FGF14: variants seen among roughly 807,000 people sequenced by gnomAD.
The protein encoded by FGF14 is fibroblast growth factor homologous factor 4.
Under a neutral mutation model 25.5 loss-of-function variants are expected in FGF14, and 5 were observed. That is an observed-to-expected ratio of 0.20 (90% CI 0.10 to 0.41). The LOEUF (loss-of-function observed/expected upper bound fraction) is 0.41, where lower values mean the gene tolerates loss of function less well. Ranked by LOEUF, FGF14 falls within the 10% of genes least tolerant of loss-of-function variation. The pLI is 1.00. For synonymous variants in FGF14, 138 were observed against 118.3 expected (o/e 1.17, Z -1.08); for missense variants, 222 against 320.1 (o/e 0.69, Z 2.34).
chr13:102,233,363 TCAGGCGATCCACCCA>T (rs1003745612), intron 1 of FGF14, among the ~76,000 whole-genome samples: 10 of 152,098 alleles, frequency 6.6e-5, no homozygotes, highest in Admixed American at 6.5e-5. Flanking sequence ...ACTCCTGACC[TCAGGCGATCCACCCA>T]CCTTGACCTT....
intron 1 of FGF14, among the ~76,000 whole-genome samples, chr13:102,254,679 A>G (rs2052354562): frequency 6.6e-6 from 1 of 152,164 alleles, no homozygotes; most frequent in African/African-American, 2.4e-5. Context: ...GGGAGCTGTC[A>G]TGTCCATGGT....
At chr13:102,174,987 T>C (rs1408850029) in intron 1 of FGF14, among the ~76,000 whole-genome samples, 2 of 152,060 alleles carry the variant, frequency 1.3e-5, no homozygotes, top group Non-Finnish European at 2.9e-5. Flanking sequence ...TCCAAGCTCA[T>C]AGACAGGAAG....
At chr13:102,337,259 A>G (rs922734390) in intron 1 of FGF14, among the ~76,000 whole-genome samples, 4 of 152,182 alleles carry the variant, frequency 2.6e-5, no homozygotes, top group Admixed American at 2.6e-4. Flanking sequence ...ATTAACTGCA[A>G]TTTGGAAGAA....
intron 1 of FGF14, among the ~76,000 whole-genome samples, chr13:101,984,632 T>A (rs2139633095): frequency 6.6e-6 from 1 of 152,306 alleles, no homozygotes; most frequent in Non-Finnish European, 1.5e-5. Flanking sequence ...ATTTTGTAAG[T>A]CCATCACAAC....
rs199536239 is a variant in FGF14, at chr13:101,722,883, G to A, written c.692C>T (p.Ala231Val). The part of the protein sequence containing the change: ...PGVTPSKSTS[A>V]SAIMNGGKPV... ...TTTGCCTCCATTCATTATTGCAGAC[G>A]CACTTGTGCTTTTACTTGGCGTCAC... Residue 231 changes from alanine (A) to valine (V), a missense_variant, in exon 5 of 5, where the codon GCG becomes GTG. Physicochemically the swap from Ala to Val is moderately conservative, Grantham distance 64. Around this residue, in one of 5 missense-constraint regions of FGF14, gnomAD observed 66 missense variants for 90.3 expected, o/e 0.73. Transcript: ENST00000376143. 92 of 1,613,116 alleles carry A rather than the reference G, an allele frequency of 5.7e-5. No homozygotes were observed. In the East Asian group the frequency reaches 8.2e-4, roughly 14 times the overall value.
chr13:102,156,316 T>C (rs2047335633), intron 1 of FGF14, among the ~76,000 whole-genome samples: 1 of 152,124 alleles, frequency 6.6e-6, no homozygotes, highest in African/African-American at 2.4e-5. Flanking sequence ...TCCACCATGA[T>C]CAAGTGGGCT....
chr13:101,815,305 T>C (rs2984832), intron 3 of FGF14, among the ~76,000 whole-genome samples: 134,079 of 152,020 alleles, frequency 0.88, 59,370 homozygotes, highest in Non-Finnish European at 0.93. Context: ...AGGAAAGGCA[T>C]GAAAGAGGTA....
At chr13:102,279,272 A>G (rs1450202236) in intron 1 of FGF14, among the ~76,000 whole-genome samples, 2 of 152,188 alleles carry the variant, frequency 1.3e-5, no homozygotes, top group Admixed American at 6.5e-5. Context: ...ATATATTTAC[A>G]TGGAAACATG....
intron 1 of FGF14, among the ~76,000 whole-genome samples, chr13:101,971,038 T>C (rs1273519799): frequency 6.6e-6 from 1 of 152,218 alleles, no homozygotes; most frequent in Non-Finnish European, 1.5e-5. Flanking sequence ...ATCTCTCTAC[T>C]ATCAAGTTAT....
intron 1 of FGF14, among the ~76,000 whole-genome samples, chr13:102,231,317 T>C (rs1364912909): frequency 6.6e-6 from 1 of 152,230 alleles, no homozygotes; most frequent in East Asian, 1.9e-4. Flanking sequence ...TCCGTTTATG[T>C]CTTTAAAAAG....
In FGF14 at chr13:102,234,769, C is replaced by T. The variant is rs1213481185; in HGVS notation, c.208+166702G>A. On this transcript the variant is annotated intron_variant, in intron 1 of 4. Coordinates refer to the FGF14 transcript ENST00000376131. ...ATATTAGTCATAAATTACATCTGAGCTTATGAAACATACACGTTTGTCATC... is the reference window on the plus strand; with the variant it reads ...ATATTAGTCATAAATTACATCTGAGTTTATGAAACATACACGTTTGTCATC... Among the ~76,000 whole-genome samples the T allele has an allele frequency of 3.3e-5, 5 of 152,078 alleles. No homozygotes were observed. The South Asian group carries it at 6.2e-4, about 19-fold the overall frequency.
intron 1 of FGF14, among the ~76,000 whole-genome samples, chr13:102,043,610 C>A (rs1336006848): frequency 6.6e-6 from 1 of 152,036 alleles, no homozygotes; most frequent in East Asian, 1.9e-4. Flanking sequence ...CAGTATGGGA[C>A]ATGAAAATGG....
rs538070720 is a variant in FGF14, at chr13:102,053,630, G to A, written c.209-178334C>T. ...ATGCCTACATCAAGAAAATAAGAAA[G>A]CTTTCTAAGTGTTAGATATTTGCTT... is the stretch of plus-strand genomic sequence containing the variant. On this transcript the variant is annotated intron_variant, in intron 1 of 4. Coordinates refer to the FGF14 transcript ENST00000376131. Among the ~76,000 whole-genome samples the A allele has an allele frequency of 1.4e-4, 22 of 152,184 alleles. No individual in the cohort carries two copies. The East Asian group carries it at 3.3e-3, about 23-fold the overall frequency.
chr13:102,335,607 C>A (rs2056768060), intron 1 of FGF14, among the ~76,000 whole-genome samples: 2 of 152,198 alleles, frequency 1.3e-5, no homozygotes, highest in South Asian at 4.2e-4. Context: ...GAAGAACCCA[C>A]AAAAAGCCTA....
intron 1 of FGF14, among the ~76,000 whole-genome samples, chr13:102,033,434 A>T (rs758872159): frequency 5.3e-5 from 8 of 152,120 alleles, no homozygotes; most frequent in Non-Finnish European, 1.2e-4. Flanking sequence ...CTATATTTTA[A>T]AAGAACACCA....
rs541928376 is a variant in FGF14 at position 101,916,776 on chromosome 13, G to A, written c.-131C>T. 388 of 773,522 alleles carry A rather than the reference G, an allele frequency of 5.0e-4. 4 individuals carry two copies. The Admixed American group carries it at 9.4e-3, about 19-fold the overall frequency. 47.9% of individuals were successfully genotyped at this position (773,522 alleles called of 1,614,324 possible). ...GAGGAGGGGGTGCCAGGCGGGACTG[G>A]GGAGAGGGGAAGGGGGGCTCAGTCC... On this transcript the variant is annotated 5_prime_UTR_variant, in exon 1 of 5. Coordinates refer to ENST00000376143, the MANE Select transcript of FGF14 (RefSeq NM_004115.4).
chr13:102,006,474 A>G (rs986160059), intron 1 of FGF14, among the ~76,000 whole-genome samples: 4 of 152,136 alleles, frequency 2.6e-5, no homozygotes, highest in African/African-American at 9.7e-5. Context: ...ATCTGTTGTC[A>G]TTATGTAGTG....
At chr13:102,133,180 G>A (rs1167051674) in intron 1 of FGF14, among the ~76,000 whole-genome samples, 1 of 152,182 alleles carries the variant, frequency 6.6e-6, no homozygotes, top group Non-Finnish European at 1.5e-5. Flanking sequence ...AAATAATTAT[G>A]TTTACCATTA....
At chr13:102,389,214 C>T (rs546331747) in intron 1 of FGF14, among the ~76,000 whole-genome samples, 1 of 152,172 alleles carries the variant, frequency 6.6e-6, no homozygotes, top group South Asian at 2.1e-4. Context: ...GGGTCAAAGA[C>T]CAAACCTTTA....
Sources: gnomAD v4.1 joint callset for allele counts (sites outside exome capture counted in the v4.1 genomes callset) on GRCh38, gnomAD v4.1.1 for gene constraint, gnomAD v4.1.1 regional missense constraint, MANE v1.5 for transcripts, NCBI Gene and HGNC (gene_info 2026-07-23, HGNC 2026-07-21) for gene names.